The following SMARCA5 variants were observed in gnomAD, a reference collection of about 807,000 sequenced individuals.
SMARCA5 encodes SWI/SNF-related matrix-associated actin-dependent regulator of chromatin subfamily A member 5.
SMARCA5 carries 18 observed loss-of-function variants against 140.4 expected under a neutral mutation model. The observed-to-expected ratio is 0.13, with a 90% CI of 0.09 to 0.19. The LOEUF is 0.19. Ranked by LOEUF, SMARCA5 falls within the 10% of genes least tolerant of loss-of-function variation. SMARCA5 has a pLI of 1.00. For synonymous variants in SMARCA5, 449 were observed against 419.6 expected (o/e 1.07, Z -0.86); for missense variants, 606 against 1,276.8 (o/e 0.47, Z 8.01).
rs747720523 is a variant in SMARCA5 at position 143,545,974 on chromosome 4, A to T, written c.2447A>T (p.Glu816Val). The stretch of plus-strand genomic sequence containing the variant: ...AATGCAGCACAGGCACAAAAAGAAG[A>T]ACAGCTTAAAATTGATGAAGCTGAA... ...LPNAAQAQKEEQLKIDEAESL... is the reference protein window; with the variant it reads ...LPNAAQAQKEVQLKIDEAESL... The change falls in exon 19 of 24, where the codon GAA becomes GTA. Residue 816 changes from glutamate (E) to valine (V), a missense_variant. Physicochemically the swap from Glu to Val is moderately radical, Grantham distance 121. This residue lies in a region of SMARCA5 where 121 missense variants were observed against 227.1 expected (regional missense o/e 0.53). Transcript: ENST00000283131. The T allele has an allele frequency of 3.7e-6, 6 of 1,609,452 alleles. No individual in the cohort carries two copies. Among genetic ancestry groups the T allele is most frequent in the Non-Finnish European group, 5.1e-6 (6 of 1,176,942 alleles).
chr4:143,533,925 A>G (rs1255211986), intron 9 of SMARCA5, among the ~76,000 whole-genome samples: 2 of 152,314 alleles, frequency 1.3e-5, no homozygotes, highest in African/African-American at 4.8e-5. Flanking sequence ...ATATACAGGC[A>G]CATCTCATTA....
chr4:143,544,747 C>T lies in SMARCA5; in HGVS notation c.2183C>T (p.Thr728Ile). Residue 728 changes from threonine to isoleucine, a missense_variant, in exon 17 of 24, where the codon ACA (threonine) becomes ATA (isoleucine). This residue lies in a region of SMARCA5 where 62 missense variants were observed against 256.6 expected (regional missense o/e 0.24). Transcript: ENST00000283131. ...DYREKQKIAF[T>I]EWIEPPKRER... is the part of the protein sequence containing the mutation. ...TTTCCCATGTGCTAGATTGCATTCA[C>T]AGAGTGGATTGAACCACCTAAACGA... The T allele has an allele frequency of 3.7e-6, 6 of 1,600,184 alleles. No homozygotes were observed. The highest frequency in any genetic ancestry group is 4.3e-6 in the Non-Finnish European group (5 of 1,170,958).
chr4:143,541,045 T>G (rs1290588319), intron 14 of SMARCA5, among the ~76,000 whole-genome samples: 2 of 152,156 alleles, frequency 1.3e-5, no homozygotes, highest in Non-Finnish European at 2.9e-5. Flanking sequence ...GTTTACAATT[T>G]AGTTGGGAGG....
chr4:143,544,603 A>G, intron 16 of SMARCA5, 134 bp from the exon 17 acceptor site: 1 of 561,628 alleles, frequency 1.8e-6, no homozygotes, highest in Admixed American at 3.4e-5. Context: ...GCAAAGTATC[A>G]TAGTCTCCAC....
At chr4:143,532,235 G>A (rs1488848526) in intron 9 of SMARCA5, among the ~76,000 whole-genome samples, 1 of 152,162 alleles carries the variant, frequency 6.6e-6, no homozygotes, top group African/African-American at 2.4e-5. Flanking sequence ...TGGCATTCAT[G>A]CATCTAAGCA....
rs917497291 is a variant in SMARCA5 at position 143,514,271 on chromosome 4, C to T, written c.177+170C>T. 6.4e-6 allele frequency: 4 copies of T among 620,396 alleles called. No individual in the cohort carries two copies. The South Asian group carries it at 6.7e-5, about 10-fold the overall frequency. 38.4% of individuals were successfully genotyped at this position (620,396 alleles called of 1,614,324 possible). On this transcript the variant is annotated intron_variant, in intron 1 of 23. Transcript: ENST00000283131. The stretch of plus-strand genomic sequence containing the variant: ...TCTCACTCTTGCTCCCTTGTTCTTA[C>T]CCTATTCGAGCTAAGCAAAATGGAT...
rs1736764396 is a variant in SMARCA5 at position 143,514,023 on chromosome 4, C to T, written c.99C>T (p.Asn33=). 1 of 1,553,474 alleles carries T rather than the reference C, an allele frequency of 6.4e-7. No homozygotes were observed. The highest frequency in any genetic ancestry group is 8.6e-7 in the Non-Finnish European group (1 of 1,157,224). ...CCAGCGGCGGGAGCAACAGCAGCAA[C>T]AAAGGCGGCCCCGAAGGCGTCGCGG... ...SIASGGSNSS[N]KGGPEGVAAQ... Residue 33 remains asparagine (N), a synonymous_variant, in exon 1 of 24, where the codon AAC becomes AAT. Transcript: ENST00000283131.
rs1737724006 is a variant in SMARCA5 at position 143,555,260 on chromosome 4, G to C, written c.*2076G>C. On this transcript the variant is annotated 3_prime_UTR_variant, in exon 24 of 24. Transcript: ENST00000283131. ...TCCTCCCTTCATGGGTCCAAAATTT[G>C]AAGACTGATTGTTGTCATTGCCAAA... The C allele has an allele frequency of 5.8e-6, 5 of 861,356 alleles. No homozygotes were observed. The South Asian group carries it at 6.5e-5, about 11-fold the overall frequency. 53.4% of individuals were successfully genotyped at this position (861,356 alleles called of 1,614,324 possible). A position where few individuals can be genotyped will look rare whatever the true frequency, so the allele number is the denominator to read the frequency against.
chr4:143,532,394 A>G (rs1288810912), intron 9 of SMARCA5, among the ~76,000 whole-genome samples: 1 of 152,054 alleles, frequency 6.6e-6, no homozygotes, highest in East Asian at 1.9e-4. Flanking sequence ...ATACGTAGGT[A>G]CATCTAGGTA....
At chr4:143,539,631 G>C (rs1365363066) in intron 13 of SMARCA5, among the ~76,000 whole-genome samples, 2 of 151,764 alleles carry the variant, frequency 1.3e-5, no homozygotes, top group African/African-American at 4.8e-5. Flanking sequence ...TTGCCTCCCA[G>C]GTTGAAGTGA....
At chr4:143,521,357 A>G in intron 2 of SMARCA5, 72 bp from the exon 3 acceptor site, 5 of 1,032,906 alleles carry the variant, frequency 4.8e-6, no homozygotes, top group Non-Finnish European at 5.8e-6. Context: ...GTATGGAGGC[A>G]TGCTGAAACT....
In SMARCA5 at chr4:143,553,415, C is replaced by G. The variant is rs1056030853; in HGVS notation, c.*231C>G. 2 of 392,612 alleles carry G rather than the reference C, an allele frequency of 5.1e-6. No homozygotes were observed. The highest frequency in any genetic ancestry group is 6.7e-4 in the Middle Eastern group (1 of 1,482). 24.3% of individuals were successfully genotyped at this position (392,612 alleles called of 1,614,324 possible). ...GTAATAAAATAGGCTTCATTTATTA[C>G]TAAGTGTTTCATTTGATTTATTTTT... On this transcript the variant is annotated 3_prime_UTR_variant, in exon 24 of 24. Transcript: ENST00000283131.
intron 2 of SMARCA5, 95 bp from the exon 3 acceptor site, chr4:143,521,334 T>G: frequency 2.7e-6 from 2 of 751,370 alleles, no homozygotes; most frequent in Non-Finnish European, 4.3e-6. Flanking sequence ...TTTTTTTTTT[T>G]GCTGAGTTCA....
At chr4:143,517,486 A>T in intron 2 of SMARCA5, 57 bp downstream of exon 2, 2 of 1,038,950 alleles carry the variant, frequency 1.9e-6, no homozygotes, top group Non-Finnish European at 2.9e-6. Flanking sequence ...CAGGTGATTA[A>T]ATGTACTAAA....
chr4:143,552,997 G>A (rs1737676015), intron 23 of SMARCA5, 122 bp from the exon 24 acceptor site: 1 of 670,844 alleles, frequency 1.5e-6, no homozygotes, highest in Non-Finnish European at 2.7e-6. Context: ...ATAGCCTGGG[G>A]GAAAAGTCTC....
At position 143,513,929 on chromosome 4, in the gene SMARCA5, C is replaced by T. The variant is rs763530655; in HGVS notation, c.5C>T (p.Ser2Leu). The change falls in exon 1 of 24, where the codon TCG becomes TTG. Residue 2 changes from serine (S) to leucine (L), a missense_variant. Around this residue, in one of 10 missense-constraint regions of SMARCA5, gnomAD observed 164 missense variants for 128.4 expected, o/e 1.28. Transcript: ENST00000283131. M[S>L]SAAEPPPPPP... is the part of the protein sequence containing the mutation. Reference sequence around the variant, plus strand: ...GGGTGACGCAGACGGAACATCATGTCGTCCGCGGCCGAGCCTCCGCCACCC... The same window carrying T: ...GGGTGACGCAGACGGAACATCATGTTGTCCGCGGCCGAGCCTCCGCCACCC... 2.9e-5 allele frequency: 44 copies of T among 1,543,172 alleles called. No individual in the cohort carries two copies. In the South Asian group the frequency reaches 3.8e-4, roughly 13 times the overall value.
In SMARCA5 at chr4:143,528,539, A is replaced by G. The variant is rs767646752; in HGVS notation, c.958-44A>G. The G allele has an allele frequency of 3.8e-6, 6 of 1,568,510 alleles. No individual in the cohort carries two copies. In the South Asian group the frequency reaches 7.0e-5, roughly 18 times the overall value. On this transcript the variant is annotated intron_variant, in intron 7 of 23. Coordinates refer to ENST00000283131, the MANE Select transcript of SMARCA5 (RefSeq NM_003601.4). Reference sequence around the variant, plus strand: ...GGTCTTTGCTGTTGTAGATAATGCAATATGCAGAATATTCTAATGGTGTAT... The same window carrying G: ...GGTCTTTGCTGTTGTAGATAATGCAGTATGCAGAATATTCTAATGGTGTAT...
chr4:143,532,422 A>G (rs1032562685), intron 9 of SMARCA5, among the ~76,000 whole-genome samples: 2 of 152,118 alleles, frequency 1.3e-5, no homozygotes, highest in Admixed American at 6.5e-5. Context: ...TGAACAACCC[A>G]TTCAGCAGTA....
intron 2 of SMARCA5, among the ~76,000 whole-genome samples, chr4:143,520,874 C>T (rs908029211): frequency 3.3e-5 from 5 of 152,004 alleles, no homozygotes; most frequent in South Asian, 2.1e-4. Flanking sequence ...ATGGCAGATA[C>T]GAAAGGAAGG....
Sources: allele counts gnomAD v4.1 joint callset (sites outside exome capture counted in the v4.1 genomes callset), GRCh38; gene constraint gnomAD v4.1.1; regional missense constraint gnomAD v4.1.1; transcripts MANE v1.5; gene names NCBI Gene and HGNC (gene_info 2026-07-23, HGNC 2026-07-21).